Variants in SORCS2 observed in about 807,000 individuals in gnomAD.
SORCS2 encodes VPS10 domain-containing receptor SorCS2.
Under a neutral mutation model 141.6 loss-of-function variants are expected in SORCS2, and 100 were observed. That is an observed-to-expected ratio of 0.71 (90% CI 0.60 to 0.83). SORCS2 has a LOEUF of 0.83. Ranked by LOEUF, SORCS2 falls within the 40% of genes least tolerant of loss-of-function variation. The pLI is 0.00. For synonymous variants in SORCS2, 789 were observed against 676.9 expected, an observed-to-expected ratio of 1.17 and a Z score of -2.57; for missense variants, 1,646 against 1,560.2, an observed-to-expected ratio of 1.05 and a Z score of -0.93.
intron 2 of SORCS2, among the ~76,000 whole-genome samples, chr4:7,483,255 G>A (rs923316795): frequency 3.3e-5 from 5 of 150,998 alleles, no homozygotes; most frequent in Non-Finnish European, 7.4e-5. Flanking sequence ...CCCGGGAGAC[G>A]GAGGTTGAAG....
chr4:7,656,793 A>G (rs753736770), intron 5 of SORCS2, among the ~76,000 whole-genome samples: 2 of 152,224 alleles, frequency 1.3e-5, no homozygotes, highest in Non-Finnish European at 2.9e-5. Flanking sequence ...TGTCCATAGA[A>G]GGAAGAGGTG....
intron 2 of SORCS2, among the ~76,000 whole-genome samples, chr4:7,471,751 G>A (rs1298046608): frequency 6.6e-6 from 1 of 152,250 alleles, no homozygotes; most frequent in Non-Finnish European, 1.5e-5. Context: ...TGGGGATCAG[G>A]CCCCTGTCTC....
chr4:7,282,090 T>A (rs1341367135), intron 1 of SORCS2, among the ~76,000 whole-genome samples: 1 of 152,156 alleles, frequency 6.6e-6, no homozygotes, highest in Non-Finnish European at 1.5e-5. Context: ...CAGGGCCTGG[T>A]TTCACTACTG....
chr4:7,255,884 AGCG>A (rs1713830282), intron 1 of SORCS2, among the ~76,000 whole-genome samples: 1 of 23,220 alleles, frequency 4.3e-5, no homozygotes, highest in African/African-American at 1.2e-4. Flanking sequence ...CCGGGGCTGG[AGCG>A]TGGGGACCCG....
chr4:7,673,213 C>T (rs1453586471), intron 8 of SORCS2, among the ~76,000 whole-genome samples: 1 of 152,230 alleles, frequency 6.6e-6, no homozygotes, highest in African/African-American at 2.4e-5. Flanking sequence ...CCCTCTACTA[C>T]TGCTGGTGGG....
At chr4:7,647,060 G>A (rs745800365) in intron 4 of SORCS2, among the ~76,000 whole-genome samples, 4 of 152,164 alleles carry the variant, frequency 2.6e-5, no homozygotes, top group South Asian at 4.1e-4. Flanking sequence ...TGGGAATGAC[G>A]CTGTCCCGAA....
chr4:7,277,911 G>A (rs1015523904), intron 1 of SORCS2, among the ~76,000 whole-genome samples: 6 of 152,198 alleles, frequency 3.9e-5, no homozygotes, highest in Non-Finnish European at 8.8e-5. Flanking sequence ...GGACAGCTCC[G>A]GGGGAGGCTG....
At chr4:7,563,991 C>A (rs1714780530) in intron 3 of SORCS2, among the ~76,000 whole-genome samples, 1 of 152,176 alleles carries the variant, frequency 6.6e-6, no homozygotes, top group African/African-American at 2.4e-5. Context: ...GTGAGAACAC[C>A]TTCCTCCTTT....
chr4:7,323,940 G>A (rs147391728), intron 1 of SORCS2, among the ~76,000 whole-genome samples: 2,239 of 152,272 alleles, frequency 0.015, 26 homozygotes, highest in Non-Finnish European at 0.022. Context: ...GGGAGGGGAC[G>A]GGGACTAACA....
chr4:7,652,588 A>G (rs951015514), intron 4 of SORCS2, among the ~76,000 whole-genome samples: 1 of 152,144 alleles, frequency 6.6e-6, no homozygotes, highest in African/African-American at 2.4e-5. Flanking sequence ...CGGGGCACAG[A>G]TCCAAGAACC....
At chr4:7,595,785 T>C (rs1226823067) in intron 3 of SORCS2, among the ~76,000 whole-genome samples, 1 of 152,188 alleles carries the variant, frequency 6.6e-6, no homozygotes, top group African/African-American at 2.4e-5. Flanking sequence ...GGACAGTGGT[T>C]CTGACTCTAG....
chr4:7,524,433 C>T (rs1282026653), intron 2 of SORCS2, among the ~76,000 whole-genome samples: 2 of 152,104 alleles, frequency 1.3e-5, no homozygotes, highest in African/African-American at 2.4e-5. Flanking sequence ...GGTATTTGCA[C>T]AGCAGCCTGG....
intron 2 of SORCS2, among the ~76,000 whole-genome samples, chr4:7,416,829 C>T (rs530540443): frequency 1.3e-5 from 2 of 150,830 alleles, no homozygotes; most frequent in African/African-American, 5.0e-5. Context: ...CACTTGTGAA[C>T]ACACACAAAC....
chr4:7,441,031 T>C (rs1013352883), intron 2 of SORCS2, among the ~76,000 whole-genome samples: 5 of 151,884 alleles, frequency 3.3e-5, no homozygotes, highest in African/African-American at 7.3e-5. Context: ...GGAGAGGTGG[T>C]GCTGTCGGTC....
intron 2 of SORCS2, among the ~76,000 whole-genome samples, chr4:7,402,730 C>T (rs1724676175): frequency 6.6e-6 from 1 of 152,178 alleles, no homozygotes; most frequent in Non-Finnish European, 1.5e-5. Flanking sequence ...ACCTTGGAGT[C>T]ATCAGACTTT....
At chr4:7,386,052 G>A (rs1723274696) in intron 1 of SORCS2, among the ~76,000 whole-genome samples, 1 of 152,128 alleles carries the variant, frequency 6.6e-6, no homozygotes, top group Non-Finnish European at 1.5e-5. Flanking sequence ...CCACACTTTG[G>A]AGTGGCTCTG....
At position 7,546,459 on chromosome 4, in the gene SORCS2, C is replaced by T. The variant is rs932836936; in HGVS notation, c.648+14830C>T. 4.6e-5 allele frequency among the ~76,000 whole-genome samples: 7 copies of T among 152,266 alleles called. No individual in the cohort carries two copies. In the East Asian group the frequency reaches 5.8e-4, roughly 13 times the overall value. ...CCATCTTTGCCTCAATATTGCATGT[C>T]GGCTCCATCGCAGTGAGGAATCCCC... On this transcript the variant is annotated intron_variant, in intron 3 of 26. Transcript: ENST00000507866.
At chr4:7,352,261 T>C (rs1339188640) in intron 1 of SORCS2, among the ~76,000 whole-genome samples, 3 of 152,270 alleles carry the variant, frequency 2.0e-5, no homozygotes, top group Non-Finnish European at 4.4e-5. Flanking sequence ...CTCTCAGTGC[T>C]AAGAACTGAG....
At chr4:7,379,324 G>T (rs771608496) in intron 1 of SORCS2, among the ~76,000 whole-genome samples, 5 of 152,194 alleles carry the variant, frequency 3.3e-5, no homozygotes, top group African/African-American at 7.2e-5. Context: ...CTGGGCATCT[G>T]CAGGGCTGCC....
Sources: gnomAD v4.1 joint callset for allele counts (sites outside exome capture counted in the v4.1 genomes callset) on GRCh38, gnomAD v4.1.1 for gene constraint, MANE v1.5 for transcripts, NCBI Gene and HGNC (gene_info 2026-07-23, HGNC 2026-07-21) for gene names.